Variants in FTO observed in about 807,000 individuals in gnomAD.
FTO encodes FTO alpha-ketoglutarate dependent dioxygenase.
Under a neutral mutation model 63.9 loss-of-function variants are expected in FTO, and 47 were observed. The observed-to-expected ratio is 0.74, with a 90% CI of 0.58 to 0.94. The LOEUF is 0.94. FTO is among the 40% of genes least tolerant of loss of function. FTO has a pLI of 0.00. For synonymous variants in FTO, 207 were observed against 224.4 expected (o/e 0.92, Z 0.69); for missense variants, 562 against 618.1 (o/e 0.91, Z 0.96).
chr16:53,764,766 C>A (rs1278811121), intron 1 of FTO, among the ~76,000 whole-genome samples: 1 of 151,992 alleles, frequency 6.6e-6, no homozygotes, highest in African/African-American at 2.4e-5. Context: ...GTAGCCCAGG[C>A]TGGAGTACAG....
chr16:54,057,253 C>T (rs1446455901), intron 8 of FTO, among the ~76,000 whole-genome samples: 3 of 152,240 alleles, frequency 2.0e-5, no homozygotes, highest in Non-Finnish European at 2.9e-5. Flanking sequence ...TAGCACTGCT[C>T]CGTGCTACAT....
intron 1 of FTO, among the ~76,000 whole-genome samples, chr16:53,804,714 C>G (rs1489493633): frequency 6.8e-6 from 1 of 147,720 alleles, no homozygotes; most frequent in Non-Finnish European, 1.5e-5. Flanking sequence ...CTGCCAGGTT[C>G]AAGCGATTCT....
Position 53,778,797 on chromosome 16 carries a change from AT to A in FTO, c.46-31334del, listed in dbSNP as rs563563749. On this transcript the variant is annotated intron_variant, in intron 1 of 8. Transcript: ENST00000471389. Reference sequence around the variant, plus strand: ...TTTGAGTTTAAGAAGCACAGGGAGGATTTTTTTTTAACCTGCCTTTGGTGAT... The same window carrying A: ...TTTGAGTTTAAGAAGCACAGGGAGGATTTTTTTTAACCTGCCTTTGGTGAT... 8.6e-3 allele frequency among the ~76,000 whole-genome samples: 1,289 copies of A among 149,272 alleles called. 20 individuals are homozygous for A. Among genetic ancestry groups the A allele is most frequent in the African/African-American group, 0.029 (1,185 of 40,698 alleles).
chr16:53,863,626 G>C (rs1243565408), intron 4 of FTO, among the ~76,000 whole-genome samples: 1 of 152,182 alleles, frequency 6.6e-6, no homozygotes, highest in Admixed American at 6.5e-5. Context: ...ACATCCAGGG[G>C]TCTGTGAGTA....
chr16:53,816,769 G>T (rs117788306), intron 2 of FTO, among the ~76,000 whole-genome samples: 1 of 151,758 alleles, frequency 6.6e-6, no homozygotes, highest in Non-Finnish European at 1.5e-5. Flanking sequence ...ATTTTTCCCC[G>T]TAGACTTATC....
chr16:53,779,616 T>C (rs2077539968), intron 1 of FTO, among the ~76,000 whole-genome samples: 1 of 152,208 alleles, frequency 6.6e-6, no homozygotes, highest in Admixed American at 6.5e-5. Context: ...GTTTGTTTAT[T>C]TATATAAATG....
intron 8 of FTO, among the ~76,000 whole-genome samples, chr16:54,018,321 G>A (rs1194008320): frequency 6.6e-6 from 1 of 151,996 alleles, no homozygotes; most frequent in East Asian, 1.9e-4. Context: ...TGCAGATACT[G>A]GTTTGATGTT....
rs151035857 is a variant in FTO, at chr16:53,782,675, G to C, written c.46-27465G>C. Among the ~76,000 whole-genome samples, 14 of 152,306 alleles carry C rather than the reference G, an allele frequency of 9.2e-5. No individual in the cohort carries two copies. The East Asian group carries it at 2.7e-3, about 29-fold the overall frequency. ...CAACTGGTATAGTGGCAGAGCTCAG[G>C]CTGTACAAATCAGGTGAGTATTCTT... On this transcript the variant is annotated intron_variant, in intron 1 of 8. Transcript: ENST00000471389.
chr16:53,712,086 C>G lies in FTO; in HGVS notation c.45+7857C>G, dbSNP rs950842254. Among the ~76,000 whole-genome samples the G allele has an allele frequency of 2.0e-5, 3 of 152,084 alleles. No individual in the cohort carries two copies. The East Asian group carries it at 5.8e-4, about 29-fold the overall frequency. ...CCAGGCTGGGCAACAGAGTGAGACC[C>G]TGTCTCTAAATAATAATAACAATAA... On this transcript the variant is annotated intron_variant, in intron 1 of 8. Transcript: ENST00000471389.
intron 8 of FTO, among the ~76,000 whole-genome samples, chr16:53,980,338 C>A (rs186591846): frequency 6.6e-6 from 1 of 152,248 alleles, no homozygotes; most frequent in East Asian, 1.9e-4. Context: ...ACCTGGAAAC[C>A]AGAATGGCTG....
intron 8 of FTO, among the ~76,000 whole-genome samples, chr16:53,958,021 G>T (rs193109214): frequency 6.6e-6 from 1 of 152,284 alleles, no homozygotes; most frequent in Non-Finnish European, 1.5e-5. Flanking sequence ...ATTATTTATA[G>T]TGAACATAGT....
At chr16:54,073,205 A>C (rs1168249237) in intron 8 of FTO, among the ~76,000 whole-genome samples, 1 of 152,152 alleles carries the variant, frequency 6.6e-6, no homozygotes, top group Non-Finnish European at 1.5e-5. Context: ...AGACTCAAGA[A>C]AATGGCCTTC....
intron 1 of FTO, among the ~76,000 whole-genome samples, chr16:53,732,004 G>T (rs982641923): frequency 6.7e-6 from 1 of 149,728 alleles, no homozygotes; most frequent in African/African-American, 2.5e-5. Context: ...GGGATTACAG[G>T]CGTGAGCCAC....
intron 7 of FTO, among the ~76,000 whole-genome samples, chr16:53,922,339 T>C (rs533099874): frequency 1.3e-5 from 2 of 152,306 alleles, no homozygotes; most frequent in East Asian, 3.9e-4. Context: ...CTTAAAGCTG[T>C]AAATGGGTTG....
intron 1 of FTO, among the ~76,000 whole-genome samples, chr16:53,802,646 T>G (rs2078257328): frequency 6.6e-6 from 1 of 152,204 alleles, no homozygotes; most frequent in Admixed American, 6.5e-5. Flanking sequence ...TCTTCCAATC[T>G]CTCTCCTTTC....
At chr16:53,709,850 A>G (rs926870977) in intron 1 of FTO, among the ~76,000 whole-genome samples, 3 of 152,194 alleles carry the variant, frequency 2.0e-5, no homozygotes, top group African/African-American at 7.2e-5. Flanking sequence ...ATAGTTCAGC[A>G]TATATTTCCT....
At chr16:54,098,796 A>T (rs888144141) in intron 8 of FTO, among the ~76,000 whole-genome samples, 1 of 152,212 alleles carries the variant, frequency 6.6e-6, no homozygotes, top group Non-Finnish European at 1.5e-5. Context: ...CGTTACTTAC[A>T]TGACTGCTAT....
At chr16:53,808,425 TA>T (rs1320405673) in intron 1 of FTO, among the ~76,000 whole-genome samples, 21 of 152,228 alleles carry the variant, frequency 1.4e-4, no homozygotes, top group Admixed American at 1.4e-3. Flanking sequence ...AGGCTTTGAC[TA>T]AATAAATATA....
At chr16:53,812,201 A>G (rs1290126438) in intron 2 of FTO, among the ~76,000 whole-genome samples, 2 of 151,942 alleles carry the variant, frequency 1.3e-5, no homozygotes, top group Admixed American at 6.6e-5. Context: ...TGACACCTCT[A>G]CAACCAGAGA....
Sources: allele counts gnomAD v4.1 joint callset (sites outside exome capture counted in the v4.1 genomes callset), GRCh38; gene constraint gnomAD v4.1.1; transcripts MANE v1.5; gene names NCBI Gene and HGNC (gene_info 2026-07-23, HGNC 2026-07-21).